Variants in ADAMTSL1 observed in about 807,000 individuals in gnomAD.
ADAMTSL1 encodes the protein ADAMTS like 1.
ADAMTSL1 carries 126 observed loss-of-function variants against 201.8 expected under a neutral mutation model. The observed-to-expected ratio is 0.62, with a 90% CI of 0.54 to 0.72. The LOEUF is 0.72. Among genes scored for constraint, ADAMTSL1 ranks in the 30% least tolerant of loss-of-function variants. The pLI, the probability that ADAMTSL1 is intolerant of heterozygous loss-of-function variation, is 0.00. For missense variants in ADAMTSL1, 2,679 were observed against 2,277.8 expected, an observed-to-expected ratio of 1.18 and a Z score of -3.59; for synonymous variants, 1,121 against 903.4, an observed-to-expected ratio of 1.24 and a Z score of -4.32.
chr9:18,844,771 G>C (rs140661737), intron 23 of ADAMTSL1, among the ~76,000 whole-genome samples: 1 of 152,206 alleles, frequency 6.6e-6, no homozygotes, highest in Admixed American at 6.5e-5. Context: ...CCTTGCTGCC[G>C]CATTGCAGTT....
At chr9:17,978,367 A>T (rs577759430) in intron 1 of ADAMTSL1, among the ~76,000 whole-genome samples, 9 of 149,964 alleles carry the variant, frequency 6.0e-5, no homozygotes, top group African/African-American at 2.2e-4. Context: ...TTCCTTTGTT[A>T]TTTTTTCCTT....
intron 1 of ADAMTSL1, among the ~76,000 whole-genome samples, chr9:18,151,369 T>G (rs1256669332): frequency 6.6e-6 from 1 of 152,074 alleles, no homozygotes; most frequent in African/African-American, 2.4e-5. Flanking sequence ...TTTAGCTAAT[T>G]CACAGTTTCT....
At chr9:18,540,817 G>A (rs757478131) in intron 3 of ADAMTSL1, among the ~76,000 whole-genome samples, 1 of 152,108 alleles carries the variant, frequency 6.6e-6, no homozygotes, top group Non-Finnish European at 1.5e-5. Flanking sequence ...ACTCTTAAGT[G>A]AGAAAGAAAT....
At chr9:18,445,596 TAAAC>T (rs1371569509) in intron 2 of ADAMTSL1, among the ~76,000 whole-genome samples, 2 of 152,156 alleles carry the variant, frequency 1.3e-5, no homozygotes, top group East Asian at 1.9e-4. Context: ...AATATTGTGA[TAAAC>T]AAAGAGTTTA....
chr9:18,156,504 A>G (rs1192725289), intron 1 of ADAMTSL1, among the ~76,000 whole-genome samples: 1 of 152,036 alleles, frequency 6.6e-6, no homozygotes, highest in Non-Finnish European at 1.5e-5. Flanking sequence ...ATGTGTATGT[A>G]GACATTTTTA....
chr9:18,230,965 G>T (rs1287404682), intron 2 of ADAMTSL1, among the ~76,000 whole-genome samples: 4 of 152,142 alleles, frequency 2.6e-5, no homozygotes, highest in Non-Finnish European at 5.9e-5. Context: ...GCCCCAAGAG[G>T]ACACCATTTA....
At chr9:18,605,819 G>T (rs1824975244) in intron 4 of ADAMTSL1, among the ~76,000 whole-genome samples, 1 of 152,182 alleles carries the variant, frequency 6.6e-6, no homozygotes. Flanking sequence ...ACTGAAAGGG[G>T]TCAAAGCTGA....
intron 15 of ADAMTSL1, among the ~76,000 whole-genome samples, chr9:18,731,881 A>T (rs891243358): frequency 2.6e-5 from 4 of 152,192 alleles, no homozygotes; most frequent in African/African-American, 9.6e-5. Flanking sequence ...ATACTAAACC[A>T]TTCATGAGAA....
At chr9:18,276,990 A>G (rs1832611946) in intron 2 of ADAMTSL1, among the ~76,000 whole-genome samples, 1 of 152,046 alleles carries the variant, frequency 6.6e-6, no homozygotes, top group Admixed American at 6.5e-5. Context: ...TTCCCTTTTA[A>G]TTTCTTCTTT....
chr9:18,266,581 T>C (rs561621545), intron 2 of ADAMTSL1, among the ~76,000 whole-genome samples: 36 of 152,154 alleles, frequency 2.4e-4, no homozygotes, highest in Non-Finnish European at 5.0e-4. Flanking sequence ...GAATCAAAAG[T>C]TCTATTTGTT....
chr9:18,189,321 T>C (rs1334496842), intron 2 of ADAMTSL1, among the ~76,000 whole-genome samples: 1 of 152,148 alleles, frequency 6.6e-6, no homozygotes, highest in African/African-American at 2.4e-5. Context: ...ATTTCATTAA[T>C]TAAAAAACCT....
intron 7 of ADAMTSL1, among the ~76,000 whole-genome samples, chr9:18,653,026 A>C (rs188477856): frequency 1.3e-4 from 20 of 152,328 alleles, no homozygotes; most frequent in Non-Finnish European, 2.5e-4. Context: ...TTCCTACCCA[A>C]CTTTTAGAGG....
At chr9:18,190,259 A>G (rs559399575) in intron 2 of ADAMTSL1, among the ~76,000 whole-genome samples, 1 of 152,314 alleles carries the variant, frequency 6.6e-6, no homozygotes, top group South Asian at 2.1e-4. Context: ...TAAGGATATC[A>G]TGATGTGTGT....
chr9:17,985,094 G>A (rs978119976), intron 1 of ADAMTSL1, among the ~76,000 whole-genome samples: 6 of 152,044 alleles, frequency 3.9e-5, no homozygotes, highest in African/African-American at 9.7e-5. Context: ...TCCAAGTACC[G>A]TCACTCTTTT....
intron 1 of ADAMTSL1, among the ~76,000 whole-genome samples, chr9:18,153,656 CA>C (rs1387699859): frequency 7.2e-5 from 11 of 152,002 alleles, no homozygotes; most frequent in Non-Finnish European, 2.9e-5. Context: ...GTGTGAAAGG[CA>C]GTGACTTTGA....
At chr9:18,718,121 C>G (rs1463120045) in intron 14 of ADAMTSL1, 6 of 1,127,084 alleles carry the variant, frequency 5.3e-6, no homozygotes, top group Non-Finnish European at 5.4e-6. Flanking sequence ...GTTCCATTGT[C>G]TTGCTAGATT....
chr9:18,036,682 T>C (rs1303119160), intron 1 of ADAMTSL1, among the ~76,000 whole-genome samples: 2 of 152,186 alleles, frequency 1.3e-5, no homozygotes, highest in Non-Finnish European at 2.9e-5. Flanking sequence ...TTAGGAGGTA[T>C]CAGATATCTT....
chr9:18,455,163 T>C (rs1820554206), intron 2 of ADAMTSL1, among the ~76,000 whole-genome samples: 1 of 152,214 alleles, frequency 6.6e-6, no homozygotes, highest in South Asian at 2.1e-4. Flanking sequence ...AAGCTTTAGG[T>C]ATGAGAAATT....
At chr9:18,789,927 G>A (rs996256194) in intron 19 of ADAMTSL1, among the ~76,000 whole-genome samples, 1 of 152,188 alleles carries the variant, frequency 6.6e-6, no homozygotes, top group African/African-American at 2.4e-5. Context: ...CCAGTCCTGT[G>A]TTGAGGCCTA....
Sources: allele counts gnomAD v4.1 joint callset (sites outside exome capture counted in the v4.1 genomes callset), GRCh38; gene constraint gnomAD v4.1.1; transcripts MANE v1.5; gene names NCBI Gene and HGNC (gene_info 2026-07-23, HGNC 2026-07-21).